The following ZFAT variants were observed in gnomAD, a reference collection of about 807,000 sequenced individuals.
ZFAT encodes zinc finger protein ZFAT.
In ZFAT, 64 loss-of-function variants were observed where a neutral mutation model predicts 117.7. The observed-to-expected ratio is 0.54, with a 90% confidence interval of 0.44 to 0.67. ZFAT has a LOEUF of 0.67. Ranked by LOEUF, ZFAT falls within the 30% of genes least tolerant of loss-of-function variation. The pLI, the probability that ZFAT is intolerant of heterozygous loss-of-function variation, is 0.00. For missense variants in ZFAT, 1,433 were observed against 1,584.5 expected (o/e 0.90, Z 1.62); for synonymous variants, 679 against 615.0 (o/e 1.10, Z -1.54).
At chr8:134,803,921 C>A in the ZFAT span, among the ~76,000 whole-genome samples, 11 of 151,954 alleles carry the variant, frequency 7.2e-5, no homozygotes, top group African/African-American at 7.3e-5. Flanking sequence ...ATGTATGGAA[C>A]CTAACATAGT....
intron 15 of ZFAT, among the ~76,000 whole-genome samples, chr8:134,499,584 C>T (rs1329356452): frequency 1.7e-3 from 182 of 105,118 alleles, no homozygotes; most frequent in South Asian, 4.1e-3. Flanking sequence ...GATGCCCCCG[C>T]TGCTGGTTAC....
rs200658838 is a variant in ZFAT, at chr8:134,478,571, C to T, written c.3643G>A (p.Gly1215Arg). The T allele has an allele frequency of 3.6e-5, 58 of 1,594,156 alleles. No homozygotes were observed. In the East Asian group the frequency reaches 3.7e-4, roughly 10 times the overall value. ...IETVTVYTQG[G>R]EASEFIVYVQ... ...TAGACGATGAACTCCGAGGCCTCCCCGCCCTGCGTGTAGACAGTCACCGTC... is the reference window on the plus strand; with the variant it reads ...TAGACGATGAACTCCGAGGCCTCCCTGCCCTGCGTGTAGACAGTCACCGTC... Residue 1215 changes from glycine (G) to arginine (R), a missense_variant, in exon 16 of 16, where the codon GGG (glycine) becomes AGG (arginine). Transcript: ENST00000377838. This position sits in a 1 kb window ranked among gnomAD's most constrained non-coding sequence, Gnocchi z 5.2.
upstream of ZFAT, among the ~76,000 whole-genome samples, chr8:134,717,360 G>A (rs118136480): frequency 6.7e-6 from 1 of 148,708 alleles, no homozygotes. Flanking sequence ...GTGCACCTGG[G>A]AAGGAGATCA....
intron 10 of ZFAT, among the ~76,000 whole-genome samples, chr8:134,570,000 C>T (rs56411737): frequency 0.39 from 58,858 of 152,048 alleles, 12,287 homozygotes; most frequent in Admixed American, 0.54. Context: ...GAGCAAAAGC[C>T]AAGAGCTTCA....
the ZFAT span, among the ~76,000 whole-genome samples, chr8:134,760,987 G>A: frequency 3.9e-5 from 6 of 152,172 alleles, no homozygotes; most frequent in African/African-American, 1.4e-4. Flanking sequence ...GTATGGATGA[G>A]CAGACACCGG....
intron 15 of ZFAT, among the ~76,000 whole-genome samples, chr8:134,506,755 T>C (rs1446353765): frequency 6.6e-6 from 1 of 152,244 alleles, no homozygotes; most frequent in Non-Finnish European, 1.5e-5. Context: ...TTTTGAAATG[T>C]TTAACCATCC....
intron 3 of ZFAT, among the ~76,000 whole-genome samples, chr8:134,627,044 G>T (rs1829565329): frequency 6.6e-6 from 1 of 152,154 alleles, no homozygotes; most frequent in African/African-American, 2.4e-5. Flanking sequence ...AGACCAGTGG[G>T]GGCCAATGGC....
chr8:134,685,331 G>A (rs1415504072), intron 1 of ZFAT, among the ~76,000 whole-genome samples: 2 of 152,102 alleles, frequency 1.3e-5, no homozygotes, highest in African/African-American at 2.4e-5. Context: ...CCTGCTACAG[G>A]AAATCGCTTG....
the ZFAT span, among the ~76,000 whole-genome samples, chr8:134,790,969 CA>C: frequency 2.6e-5 from 4 of 152,176 alleles, no homozygotes; most frequent in Admixed American, 1.3e-4. Flanking sequence ...AAGCCATGAT[CA>C]TGCCATGCGA....
At chr8:134,689,350 G>A (rs565316021) in intron 1 of ZFAT, among the ~76,000 whole-genome samples, 2 of 152,196 alleles carry the variant, frequency 1.3e-5, no homozygotes, top group African/African-American at 2.4e-5. Context: ...CCACAGGAGC[G>A]GTAACACTGT....
chr8:134,779,823 C>T, the ZFAT span, among the ~76,000 whole-genome samples: 1 of 152,162 alleles, frequency 6.6e-6, no homozygotes, highest in Admixed American at 6.5e-5. Context: ...ATCTTTATAT[C>T]TTCCAAGTAT....
chr8:134,547,479 A>G (rs1822783904), intron 11 of ZFAT, among the ~76,000 whole-genome samples: 2 of 152,162 alleles, frequency 1.3e-5, no homozygotes, highest in Non-Finnish European at 2.9e-5. Flanking sequence ...TTCCCTCCTC[A>G]GGACCTGGCT....
the ZFAT span, among the ~76,000 whole-genome samples, chr8:134,805,427 G>T: frequency 1.3e-5 from 2 of 152,152 alleles, no homozygotes; most frequent in Non-Finnish European, 2.9e-5. Flanking sequence ...CCTGGCAGAG[G>T]ATCTAAACTG....
intron 1 of ZFAT, among the ~76,000 whole-genome samples, chr8:134,677,493 C>G (rs1315556433): frequency 6.6e-6 from 1 of 152,156 alleles, no homozygotes; most frequent in Non-Finnish European, 1.5e-5. Flanking sequence ...GATGGATTTA[C>G]AGCCAAATTC....
At chr8:134,654,683 G>T (rs920796110) in intron 2 of ZFAT, among the ~76,000 whole-genome samples, 1 of 152,210 alleles carries the variant, frequency 6.6e-6, no homozygotes, top group Non-Finnish European at 1.5e-5. Context: ...TGAGCAAAGG[G>T]TGACAGCTGG....
chr8:134,769,483 G>T, the ZFAT span, among the ~76,000 whole-genome samples: 16 of 152,176 alleles, frequency 1.1e-4, no homozygotes, highest in African/African-American at 3.1e-4. Flanking sequence ...CATGGTCTTG[G>T]GCAGCTCCAC....
rs1045807200 is a variant in ZFAT, at chr8:134,517,204, T to C, written c.3234+3679A>G. Reference sequence around the variant, plus strand: ...CGTAGTCACCAATTTGATATACAGTTAGAATAATTTATTTCATTTTACTCA... The same window carrying C: ...CGTAGTCACCAATTTGATATACAGTCAGAATAATTTATTTCATTTTACTCA... On this transcript the variant is annotated intron_variant, in intron 13 of 15. Transcript: ENST00000377838. 1.2e-4 allele frequency among the ~76,000 whole-genome samples: 19 copies of C among 152,308 alleles called. 1 individual carries two copies. The highest frequency in any genetic ancestry group is 4.1e-4 in the African/African-American group (17 of 41,578).
rs184303737 is a variant in ZFAT at position 134,658,072 on chromosome 8, G to A, written c.20-335C>T. On this transcript the variant is annotated intron_variant, in intron 1 of 15. Coordinates refer to ENST00000377838, the MANE Select transcript of ZFAT (RefSeq NM_020863.4). ...TAAATATGCGGCCGGGCGCGGTGGC[G>A]CACGCCTGTAATCCCAGCACTTTGG... Among the ~76,000 whole-genome samples the A allele has an allele frequency of 1.6e-3, 238 of 152,242 alleles. 2 individuals are homozygous for A. The highest frequency in any genetic ancestry group is 5.3e-3 in the African/African-American group (220 of 41,538).
intron 9 of ZFAT, among the ~76,000 whole-genome samples, 178 bp from the exon 10 acceptor site, chr8:134,584,183 G>T: frequency 6.6e-6 from 1 of 152,134 alleles, no homozygotes; most frequent in East Asian, 1.9e-4. Flanking sequence ...CACTTTCCAC[G>T]CCAGGTTCTT....
Sources: allele counts gnomAD v4.1 joint callset (sites outside exome capture counted in the v4.1 genomes callset), GRCh38; gene constraint gnomAD v4.1.1; non-coding constraint Gnocchi (gnomAD v3.1); transcripts MANE v1.5; gene names NCBI Gene and HGNC (gene_info 2026-07-23, HGNC 2026-07-21).